The following RABGAP1L variants were observed in gnomAD, a reference collection of about 807,000 sequenced individuals.
RABGAP1L encodes the protein rab GTPase-activating protein 1-like.
RABGAP1L carries 63 observed loss-of-function variants against 137.7 expected under a neutral mutation model. That is an observed-to-expected ratio of 0.46 (90% CI 0.37 to 0.56). The LOEUF (loss-of-function observed/expected upper bound fraction) is 0.56. RABGAP1L is among the 20% of genes least tolerant of loss of function. RABGAP1L has a pLI of 0.00. For missense variants in RABGAP1L, 1,095 were observed against 1,244.0 expected (o/e 0.88, Z 1.80); for synonymous variants, 431 against 433.7 (o/e 0.99, Z 0.08).
At chr1:174,615,807 T>A (rs1168383020) in intron 13 of RABGAP1L, among the ~76,000 whole-genome samples, 2 of 152,226 alleles carry the variant, frequency 1.3e-5, no homozygotes, top group Non-Finnish European at 2.9e-5. Context: ...CCAGCCTCGC[T>A]GCCGCCTTGC....
intron 12 of RABGAP1L, among the ~76,000 whole-genome samples, chr1:174,381,252 A>G (rs1686125962): frequency 6.9e-6 from 1 of 145,496 alleles, no homozygotes; most frequent in African/African-American, 2.6e-5. Context: ...GTGCTGAAAA[A>G]AATGTATATT....
intron 13 of RABGAP1L, among the ~76,000 whole-genome samples, chr1:174,501,299 T>G (rs1318229826): frequency 6.6e-6 from 1 of 151,462 alleles, no homozygotes; most frequent in African/African-American, 2.4e-5. Flanking sequence ...CTGCAACCTC[T>G]GCCTCCCGGG....
chr1:174,359,673 A>G (rs1683964605), intron 11 of RABGAP1L, among the ~76,000 whole-genome samples: 1 of 152,216 alleles, frequency 6.6e-6, no homozygotes, highest in South Asian at 2.1e-4. Flanking sequence ...ATGATGGGAA[A>G]AATTATGAGG....
intron 18 of RABGAP1L, among the ~76,000 whole-genome samples, chr1:174,788,274 T>A (rs1180922211): frequency 6.6e-6 from 1 of 152,180 alleles, no homozygotes; most frequent in African/African-American, 2.4e-5. Context: ...CTGTGTTCAT[T>A]TATCAGGAGG....
At chr1:174,946,942 G>A (rs12735574) in intron 19 of RABGAP1L, among the ~76,000 whole-genome samples, 1,006 of 45,938 alleles carry the variant, frequency 0.022, 14 homozygotes, top group East Asian at 0.11. Flanking sequence ...ATATATATAT[G>A]TGTGTGTGTG....
chr1:174,207,475 C>A (rs1045955089), intron 1 of RABGAP1L, among the ~76,000 whole-genome samples: 1 of 152,104 alleles, frequency 6.6e-6, no homozygotes, highest in African/African-American at 2.4e-5. Flanking sequence ...TTTGAAAGGA[C>A]GTTTTGGAAT....
At chr1:174,365,073 G>C (rs1247403374) in intron 11 of RABGAP1L, among the ~76,000 whole-genome samples, 1 of 152,150 alleles carries the variant, frequency 6.6e-6, no homozygotes, top group African/African-American at 2.4e-5. Flanking sequence ...CTTTCATGCT[G>C]GGAGCTTCAC....
At chr1:174,669,153 G>C (rs1011959090) in intron 14 of RABGAP1L, among the ~76,000 whole-genome samples, 1 of 152,122 alleles carries the variant, frequency 6.6e-6, no homozygotes, top group Non-Finnish European at 1.5e-5. Flanking sequence ...GGAAGGCAAA[G>C]GGGAAGCAAG....
chr1:174,808,154 T>C (rs549452711), intron 18 of RABGAP1L, among the ~76,000 whole-genome samples: 14 of 151,620 alleles, frequency 9.2e-5, no homozygotes, highest in African/African-American at 2.9e-4. Context: ...CGGCTAAAAT[T>C]TTTTTTGTAT....
intron 10 of RABGAP1L, among the ~76,000 whole-genome samples, chr1:174,284,103 C>T (rs1406245913): frequency 6.6e-6 from 1 of 152,160 alleles, no homozygotes; most frequent in Non-Finnish European, 1.5e-5. Context: ...ACGTAAGTTA[C>T]CTTTTTGTGT....
intron 17 of RABGAP1L, among the ~76,000 whole-genome samples, chr1:174,725,191 T>C (rs1681884623): frequency 6.6e-6 from 1 of 152,210 alleles, no homozygotes; most frequent in African/African-American, 2.4e-5. Flanking sequence ...GGGAAACCAG[T>C]TAGGAGCTAC....
At position 174,555,378 on chromosome 1, in the gene RABGAP1L, A is replaced by G. The variant is rs150498512; in HGVS notation, c.1711-81997A>G. Among the ~76,000 whole-genome samples the G allele has an allele frequency of 1.3e-3, 194 of 152,326 alleles. 1 individual carries two copies. The highest frequency in any genetic ancestry group is 4.6e-3 in the African/African-American group (190 of 41,586). ...AATACCCATCATTAGCTTTATGGCA[A>G]AAGCCCTTGCAATCATTTATTTCCC... On this transcript the variant is annotated intron_variant, in intron 13 of 25. Coordinates refer to ENST00000681986, the MANE Select transcript of RABGAP1L (RefSeq NM_001366446.1).
In RABGAP1L at chr1:174,532,272, A is replaced by C. The variant is rs1450822136; in HGVS notation, c.1711-105103A>C. ...CACCCAGGCTGGAGTGCAGTGGCACAGTCTCAGCTCACCGCAGCCTTTGCC... is the reference window on the plus strand; with the variant it reads ...CACCCAGGCTGGAGTGCAGTGGCACCGTCTCAGCTCACCGCAGCCTTTGCC... On this transcript the variant is annotated intron_variant, in intron 13 of 25. Coordinates refer to ENST00000681986, the MANE Select transcript of RABGAP1L (RefSeq NM_001366446.1). Among the ~76,000 whole-genome samples, 4 of 151,646 alleles carry C rather than the reference A, an allele frequency of 2.6e-5. No individual in the cohort carries two copies. In the South Asian group the frequency reaches 6.3e-4, roughly 24 times the overall value.
intron 19 of RABGAP1L, among the ~76,000 whole-genome samples, chr1:174,948,509 C>CAA (rs3086627): frequency 0.27 from 17,458 of 64,512 alleles, 2,499 homozygotes; most frequent in African/African-American, 0.39. Flanking sequence ...GACCCTGCCT[C>CAA]AAAAAAAAAA....
At chr1:174,634,837 A>G (rs967545663) in intron 13 of RABGAP1L, among the ~76,000 whole-genome samples, 2 of 142,094 alleles carry the variant, frequency 1.4e-5, no homozygotes, top group Non-Finnish European at 3.0e-5. Flanking sequence ...GAACAATGAG[A>G]TCACATGGAC....
At chr1:174,241,820 G>A (rs1671851723) in intron 5 of RABGAP1L, among the ~76,000 whole-genome samples, 163 bp downstream of exon 5, 4 of 152,318 alleles carry the variant, frequency 2.6e-5, no homozygotes, top group Non-Finnish European at 5.9e-5. Flanking sequence ...GGAAAGCCAA[G>A]TCTGGTATAT....
Position 174,893,579 on chromosome 1 carries a change from G to A in RABGAP1L, c.2341-63878G>A, listed in dbSNP as rs182791037. Among the ~76,000 whole-genome samples the A allele has an allele frequency of 2.9e-3, 444 of 152,216 alleles. 2 individuals are homozygous for A. Among genetic ancestry groups the A allele is most frequent in the African/African-American group, 0.01 (419 of 41,544 alleles). On this transcript the variant is annotated intron_variant, in intron 19 of 25. Coordinates refer to ENST00000681986, the MANE Select transcript of RABGAP1L (RefSeq NM_001366446.1). ...ACAAATATCTTCTCTTTAAATATAC[G>A]AATGTCTTTTAAAGACAGAAAGAAC...
chr1:174,278,152 C>A (rs908500689), intron 9 of RABGAP1L, among the ~76,000 whole-genome samples: 2 of 152,136 alleles, frequency 1.3e-5, no homozygotes, highest in African/African-American at 4.8e-5. Flanking sequence ...CTTGTAATCC[C>A]AGCACTTTGG....
chr1:174,588,064 C>T (rs1258277808), intron 13 of RABGAP1L, among the ~76,000 whole-genome samples: 2 of 152,006 alleles, frequency 1.3e-5, no homozygotes, highest in Non-Finnish European at 2.9e-5. Context: ...CAGATTTTTG[C>T]AATGTTGGCC....
Sources: gnomAD v4.1 joint callset for allele counts (sites outside exome capture counted in the v4.1 genomes callset) on GRCh38, gnomAD v4.1.1 for gene constraint, MANE v1.5 for transcripts, NCBI Gene and HGNC (gene_info 2026-07-23, HGNC 2026-07-21) for gene names.